NCOR1: variants seen among roughly 807,000 people sequenced by gnomAD.
The protein encoded by NCOR1 is protein phosphatase 1, regulatory subunit 109.
NCOR1 carries 63 observed loss-of-function variants against 288.1 expected under a neutral mutation model. The observed-to-expected ratio is 0.22, with a 90% CI of 0.18 to 0.27. The LOEUF is 0.27. Ranked by LOEUF, NCOR1 falls within the 10% of genes least tolerant of loss-of-function variation. The probability of loss-of-function intolerance (pLI) is 1.00; values close to 1 mark genes in which losing one functional copy is unlikely to be tolerated. For synonymous variants in NCOR1, 1,007 were observed against 1,065.9 expected (o/e 0.94, Z 1.08); for missense variants, 2,397 against 3,019.2 (o/e 0.79, Z 4.83).
At chr17:16,112,341 G>A (rs981423543) in intron 18 of NCOR1, among the ~76,000 whole-genome samples, 14 of 152,058 alleles carry the variant, frequency 9.2e-5, no homozygotes, top group South Asian at 8.3e-4. Context: ...CCTAAAGGCC[G>A]CTTTGTATAC....
intron 19 of NCOR1, among the ~76,000 whole-genome samples, chr17:16,104,317 A>G (rs762596649): frequency 6.6e-6 from 1 of 152,254 alleles, no homozygotes; most frequent in Non-Finnish European, 1.5e-5. Flanking sequence ...AGACAGCAAT[A>G]TAAAAAAAAC....
At chr17:16,175,182 C>A (rs986908915) in intron 3 of NCOR1, among the ~76,000 whole-genome samples, 1 of 152,140 alleles carries the variant, frequency 6.6e-6, no homozygotes, top group Non-Finnish European at 1.5e-5. Context: ...GCCTGACCAA[C>A]AAGGTGAAAG....
rs1399529403 is a variant in NCOR1, at chr17:16,031,324, A to G, written c.*972T>C. 1 of 189,966 alleles carries G rather than the reference A, an allele frequency of 5.3e-6. No homozygotes were observed. Among genetic ancestry groups the G allele is most frequent in the Admixed American group, 6.2e-5 (1 of 16,250 alleles). The allele number at this position is 189,966 out of a possible 1,614,324, so 11.8% of individuals were successfully genotyped here. A position where few individuals can be genotyped will look rare whatever the true frequency, so the allele number is the denominator to read the frequency against. On this transcript the variant is annotated 3_prime_UTR_variant, in exon 46 of 46. Coordinates refer to ENST00000268712, the MANE Select transcript of NCOR1 (RefSeq NM_006311.4). ...TTTAACCCAACCAATCATATATTCA[A>G]ACTAAGGGAAAAATATGTAAGCTTT...
At chr17:16,137,829 T>C (rs2076632572) in intron 13 of NCOR1, 3 of 265,710 alleles carry the variant, frequency 1.1e-5, no homozygotes, top group South Asian at 2.2e-4. Flanking sequence ...TGCTAATCTC[T>C]GCATCGTTCC....
At chr17:16,111,104 G>T (rs868225016) in intron 18 of NCOR1, among the ~76,000 whole-genome samples, 1 of 152,160 alleles carries the variant, frequency 6.6e-6, no homozygotes, top group Non-Finnish European at 1.5e-5. Context: ...CCAGAGCCCA[G>T]TGTATGTCCC....
intron 3 of NCOR1, among the ~76,000 whole-genome samples, chr17:16,185,785 G>A (rs2086560052): frequency 1.3e-5 from 2 of 150,486 alleles, no homozygotes; most frequent in Admixed American, 1.3e-4. Context: ...GGGCAACATG[G>A]CGAAATCCTA....
intron 26 of NCOR1, among the ~76,000 whole-genome samples, chr17:16,076,947 G>A (rs570024484): frequency 4.1e-4 from 63 of 152,256 alleles, no homozygotes; most frequent in South Asian, 2.1e-4. Context: ...AATTCTCCAC[G>A]ACAACACCTG....
intron 1 of NCOR1, among the ~76,000 whole-genome samples, chr17:16,200,963 C>G (rs1215389939): frequency 6.6e-6 from 1 of 152,156 alleles, no homozygotes; most frequent in East Asian, 1.9e-4. Context: ...TAGAAATTAT[C>G]TAAGTGAATT....
chr17:16,126,655 G>A (rs1171300213), intron 14 of NCOR1, among the ~76,000 whole-genome samples: 1 of 152,020 alleles, frequency 6.6e-6, no homozygotes, highest in African/African-American at 2.4e-5. Context: ...ACTTTTGAGC[G>A]AAAGTCTACT....
intron 11 of NCOR1, 63 bp downstream of exon 11, chr17:16,143,543 T>C: frequency 1.6e-6 from 2 of 1,288,258 alleles, no homozygotes; most frequent in South Asian, 1.2e-5. Flanking sequence ...AACCCTTAGC[T>C]CCTACAGAGT....
At position 16,116,499 on chromosome 17, in the gene NCOR1, T is replaced by A. The variant is rs531277473; in HGVS notation, c.2055+1389A>T. ...TGCTTGAAAACTCAAAATTTTAAAG[T>A]GGCAACAAACACTATCAGTTATTTT... On this transcript the variant is annotated intron_variant, in intron 18 of 45. Transcript: ENST00000268712. Among the ~76,000 whole-genome samples, 86 of 152,314 alleles carry A rather than the reference T, an allele frequency of 5.6e-4. 1 individual carries two copies. Among genetic ancestry groups the A allele is most frequent in the African/African-American group, 1.9e-3 (79 of 41,562 alleles).
At chr17:16,061,306 G>C (rs1046604899) in intron 37 of NCOR1, 95 bp downstream of exon 37, 22 of 1,430,300 alleles carry the variant, frequency 1.5e-5, no homozygotes, top group Non-Finnish European at 2.0e-5. Flanking sequence ...TCAACCGTTA[G>C]GATTTTTAAA....
At chr17:16,164,074 A>AGCTG (rs2081478909) in intron 5 of NCOR1, among the ~76,000 whole-genome samples, 1 of 152,086 alleles carries the variant, frequency 6.6e-6, no homozygotes, top group African/African-American at 2.4e-5. Context: ...GAGTGGTGAT[A>AGCTG]GCTGTACAAC....
At position 16,030,984 on chromosome 17, in the gene NCOR1, A is replaced by C. The variant is rs116576373; in HGVS notation, c.*1312T>G. On this transcript the variant is annotated 3_prime_UTR_variant, in exon 46 of 46. Coordinates refer to ENST00000268712, the MANE Select transcript of NCOR1 (RefSeq NM_006311.4). The stretch of plus-strand genomic sequence containing the variant: ...CCAGTGGCATTCTCCCAAAACTGTT[A>C]GTATCTATGTTATAGAAAGATACTT... The C allele has an allele frequency of 5.1e-6, 1 of 196,884 alleles. No homozygotes were observed. The highest frequency in any genetic ancestry group is 2.3e-5 in the African/African-American group (1 of 43,364). 12.2% of individuals were successfully genotyped at this position (196,884 alleles called of 1,614,324 possible).
intron 15 of NCOR1, among the ~76,000 whole-genome samples, chr17:16,121,491 C>T (rs549797661): frequency 6.6e-6 from 1 of 152,064 alleles, no homozygotes; most frequent in East Asian, 1.9e-4. Flanking sequence ...TACTAATGGA[C>T]TTAAAATTTA....
chr17:16,125,050 A>G (rs540469066), intron 15 of NCOR1, among the ~76,000 whole-genome samples: 3 of 152,362 alleles, frequency 2.0e-5, no homozygotes, highest in Admixed American at 6.5e-5. Context: ...CATCAACTTA[A>G]TCATGTAACT....
At chr17:16,121,435 G>C (rs2073006171) in intron 15 of NCOR1, among the ~76,000 whole-genome samples, 166 bp from the exon 16 acceptor site, 1 of 150,526 alleles carries the variant, frequency 6.6e-6, no homozygotes, top group Admixed American at 6.6e-5. Context: ...GTTTTTAAAA[G>C]TTTTGACCAG....
intron 16 of NCOR1, among the ~76,000 whole-genome samples, chr17:16,120,780 T>C (rs12150017): frequency 0.45 from 68,902 of 151,862 alleles, 16,660 homozygotes; most frequent in Middle Eastern, 0.59. Flanking sequence ...TACACAGCCA[T>C]TAAAAAATAA....
intron 19 of NCOR1, among the ~76,000 whole-genome samples, chr17:16,106,357 A>T (rs955565091): frequency 6.6e-6 from 1 of 152,158 alleles, no homozygotes; most frequent in South Asian, 2.1e-4. Flanking sequence ...CCAAGCCACA[A>T]AAGAGTAGGA....
Sources: allele counts gnomAD v4.1 joint callset (sites outside exome capture counted in the v4.1 genomes callset), GRCh38; gene constraint gnomAD v4.1.1; transcripts MANE v1.5; gene names NCBI Gene and HGNC (gene_info 2026-07-23, HGNC 2026-07-21).